Variants in TMEM132A observed in about 807,000 individuals in gnomAD.
TMEM132A encodes GRP78-binding protein.
In TMEM132A, 48 loss-of-function variants were observed where a neutral mutation model predicts 69.9. The ratio of observed to expected loss-of-function variants is 0.69; its 90% confidence interval spans 0.55 to 0.87. TMEM132A has a LOEUF of 0.87. Among genes scored for constraint, TMEM132A ranks in the 40% least tolerant of loss-of-function variants. The probability of loss-of-function intolerance (pLI) is 0.00; values close to 1 mark genes in which losing one functional copy is unlikely to be tolerated. For missense variants in TMEM132A, 1,287 were observed against 1,407.2 expected (o/e 0.91, Z 1.37); for synonymous variants, 577 against 613.7 (o/e 0.94, Z 0.88).
intron 5 of TMEM132A, among the ~76,000 whole-genome samples, chr11:60,931,314 T>A (rs973874803): frequency 6.6e-6 from 1 of 152,048 alleles, no homozygotes; most frequent in Non-Finnish European, 1.5e-5. Flanking sequence ...ATTCAGAGGG[T>A]CAAGTGTCTG....
chr11:60,931,706 A>G lies in TMEM132A; in HGVS notation c.1034A>G (p.Glu345Gly), dbSNP rs202048669. 5 of 1,613,558 alleles carry G rather than the reference A, an allele frequency of 3.1e-6. No individual in the cohort carries two copies. In the East Asian group the frequency reaches 1.1e-4, roughly 36 times the overall value. ...EPDSSPLELS[E>G]FLWVDFVVEN... ...GCCAGCAGTCCCCTTGAACTGTCTG[A>G]GTTCCTATGGGTGGACTTTGTGGTG... The change falls in exon 6 of 11, where the codon GAG becomes GGG. Residue 345 changes from glutamate (E) to glycine (G), a missense_variant. Glu to Gly is a moderately conservative substitution (Grantham distance 98). Transcript: ENST00000453848.
intron 4 of TMEM132A, among the ~76,000 whole-genome samples, chr11:60,929,225 C>T (rs1856423187): frequency 6.6e-6 from 1 of 152,210 alleles, no homozygotes; most frequent in South Asian, 2.1e-4. Flanking sequence ...ATGGGGCTAA[C>T]GGTCCACCTT....
In TMEM132A at chr11:60,935,177, G is replaced by A. The variant is rs1590630318; in HGVS notation, c.1837-75G>A. On this transcript the variant is annotated intron_variant, in intron 9 of 10. Transcript: ENST00000453848. The surrounding 1 kb of genome is among the most constrained non-coding windows in gnomAD (Gnocchi z 5.0). Reference sequence around the variant, plus strand: ...CGGAGGGCAGCCCGTGAGGGTGCTGGGAGCACCCGGTTCCCTCTGGGTGGG... The same window carrying A: ...CGGAGGGCAGCCCGTGAGGGTGCTGAGAGCACCCGGTTCCCTCTGGGTGGG... 28 of 1,405,536 alleles carry A rather than the reference G, an allele frequency of 2.0e-5. No homozygotes were observed. The East Asian group carries it at 7.0e-4, about 35-fold the overall frequency. 87.1% of individuals were successfully genotyped at this position (1,405,536 alleles called of 1,614,324 possible).
chr11:60,934,299 G>A, intron 8 of TMEM132A, 189 bp from the exon 9 acceptor site: 1 of 479,502 alleles, frequency 2.1e-6, no homozygotes, highest in Admixed American at 4.5e-5. Context: ...AGTCGGGAGT[G>A]GGCTGGGGCG....
intron 8 of TMEM132A, 67 bp downstream of exon 8, chr11:60,933,811 G>T (rs904868599): frequency 1.1e-5 from 16 of 1,426,560 alleles, no homozygotes; most frequent in Non-Finnish European, 1.5e-5. Context: ...GGGCGCAGGG[G>T]ACACAGCCAT....
At chr11:60,934,411 G>C in intron 8 of TMEM132A, 77 bp from the exon 9 acceptor site, 1 of 1,254,880 alleles carries the variant, frequency 8.0e-7, no homozygotes, top group Middle Eastern at 3.0e-4. Flanking sequence ...ACGAGCTGCG[G>C]GTCTCCAGCA....
At chr11:60,929,077 T>G in intron 4 of TMEM132A, 117 bp downstream of exon 4, 1 of 991,690 alleles carries the variant, frequency 1.0e-6, no homozygotes, top group Non-Finnish European at 1.5e-6. Flanking sequence ...AAAACATGTG[T>G]CCACCAAACT....
intron 7 of TMEM132A, chr11:60,932,998 C>T (rs1407642701): frequency 6.6e-6 from 1 of 152,322 alleles, no homozygotes; most frequent in Non-Finnish European, 1.5e-5. Flanking sequence ...GGCCAGTTCC[C>T]CTGACTGAGC....
chr11:60,927,073 G>A (rs769046944), intron 1 of TMEM132A, 131 bp from the exon 2 acceptor site: 4 of 771,886 alleles, frequency 5.2e-6, no homozygotes, highest in South Asian at 2.8e-5. Flanking sequence ...AAATGGTGGT[G>A]AGAGGGGAAG....
In TMEM132A at chr11:60,935,750, GTC is replaced by G. The variant is rs2134912732; in HGVS notation, c.2029-110_2029-109del. On this transcript the variant is annotated intron_variant, in intron 10 of 10. Transcript: ENST00000453848. This position sits in a 1 kb window ranked among gnomAD's most constrained non-coding sequence, Gnocchi z 5.0. ...CCCTGTGTTTTGTCTATCTGCCTGT[GTC>G]TCTGTTTTCTCTCTGGTCTCTCCTC... is the stretch of plus-strand genomic sequence containing the variant. 8.0e-7 allele frequency: 1 copy of G among 1,253,004 alleles called. No individual in the cohort carries two copies. Among genetic ancestry groups the G allele is most frequent in the Non-Finnish European group, 1.1e-6 (1 of 895,062 alleles). The allele number at this position is 1,253,004 out of a possible 1,614,324, so 77.6% of individuals were successfully genotyped here.
In TMEM132A at chr11:60,927,512, T is replaced by G. The variant is rs1856372956; in HGVS notation, c.315+94T>G. ...TGGGAGCCTTCCCCAGCCCCGGCTG[T>G]GCTCCCCATATTCCAGAGGGGGAAA... On this transcript the variant is annotated intron_variant, in intron 2 of 10. Coordinates refer to ENST00000453848, the MANE Select transcript of TMEM132A (RefSeq NM_178031.3). 27 of 1,425,450 alleles carry G rather than the reference T, an allele frequency of 1.9e-5. No homozygotes were observed. The South Asian group carries it at 3.5e-4, about 19-fold the overall frequency. 88.3% of individuals were successfully genotyped at this position (1,425,450 alleles called of 1,614,324 possible).
chr11:60,924,683 A>G lies in TMEM132A; in HGVS notation c.50A>G (p.Tyr17Cys), dbSNP rs1350308795. ...GRTTAAPRGP[Y>C]GPWLCLLVAL... ...ACAACAGCGGCCCCTCGGGGGCCCT[A>G]CGGCCCCTGGCTCTGCCTCCTGGTG... The change falls in exon 1 of 11, where the codon TAC becomes TGC. Residue 17 changes from tyrosine to cysteine, a missense_variant. Physicochemically the swap from Tyr to Cys is radical, Grantham distance 194 (BLOSUM62 -2). Coordinates refer to ENST00000453848, the MANE Select transcript of TMEM132A (RefSeq NM_178031.3). 5 of 1,592,268 alleles carry G rather than the reference A, an allele frequency of 3.1e-6. No individual in the cohort carries two copies. The East Asian group carries it at 9.1e-5, about 29-fold the overall frequency.
chr11:60,927,361 C>G lies in TMEM132A; in HGVS notation c.258C>G (p.Pro86=), dbSNP rs1312535342. The part of the protein sequence containing the change: ...SRSETFLLLQ[P]WPRAQPLLRA... Reference sequence around the variant, plus strand: ...CTGAGACCTTTCTGCTCCTACAGCCCTGGCCCAGGGCCCAGCCACTTCTCC... The same window carrying G: ...CTGAGACCTTTCTGCTCCTACAGCCGTGGCCCAGGGCCCAGCCACTTCTCC... Residue 86 remains proline (P), a synonymous_variant, in exon 2 of 11, where the codon CCC becomes CCG. Transcript: ENST00000453848. 1.9e-6 allele frequency: 3 copies of G among 1,613,268 alleles called. No homozygotes were observed. The highest frequency in any genetic ancestry group is 1.7e-6 in the Non-Finnish European group (2 of 1,180,020).
chr11:60,927,194 G>T lies in TMEM132A; in HGVS notation c.101-10G>T. The T allele has an allele frequency of 1.2e-6, 2 of 1,610,386 alleles. No homozygotes were observed. The highest frequency in any genetic ancestry group is 1.7e-6 in the Non-Finnish European group (2 of 1,179,198). ...AGCTGTCATCATCTCTCCCTCTTATGCCTCTTCAGTGGACTGTGGCCAGGC... is the reference window on the plus strand; with the variant it reads ...AGCTGTCATCATCTCTCCCTCTTATTCCTCTTCAGTGGACTGTGGCCAGGC... On this transcript the variant is annotated splice_polypyrimidine_tract_variant and intron_variant, in intron 1 of 10. Coordinates refer to ENST00000453848, the MANE Select transcript of TMEM132A (RefSeq NM_178031.3).
intron 4 of TMEM132A, 130 bp downstream of exon 4, chr11:60,929,090 ACTC>A (rs1190926709): frequency 3.0e-5 from 22 of 731,606 alleles, no homozygotes; most frequent in Non-Finnish European, 4.8e-5. Flanking sequence ...ACCAAACTAA[ACTC>A]CTTCCAGGTA....
intron 9 of TMEM132A, 122 bp downstream of exon 9, chr11:60,934,886 C>G: frequency 9.1e-7 from 1 of 1,101,358 alleles, no homozygotes; most frequent in Non-Finnish European, 1.3e-6. Flanking sequence ...GTTGTGCGGT[C>G]TAGGTCTGAG....
rs765862084 is a variant in TMEM132A, at chr11:60,931,770, C to T, written c.1098C>T (p.Pro366=). Residue 366 remains proline (P), a synonymous_variant, in exon 6 of 11, where the codon CCC becomes CCT. Transcript: ENST00000453848. ...GTGGGGGCGTAGCGGTCACTCGCCC[C>T]GTCACGTGGCAGCTGGAGTACCCAG... is the stretch of plus-strand genomic sequence containing the variant. ...STGGGVAVTR[P]VTWQLEYPGQ... is the part of the protein sequence containing the mutation. 78 of 1,614,068 alleles carry T rather than the reference C, an allele frequency of 4.8e-5. 1 individual carries two copies. The highest frequency in any genetic ancestry group is 9.9e-5 in the South Asian group (9 of 91,080).
chr11:60,931,725 T>G lies in TMEM132A; in HGVS notation c.1053T>G (p.Phe351Leu). The G allele has an allele frequency of 6.2e-7, 1 of 1,614,090 alleles. No individual in the cohort carries two copies. Among genetic ancestry groups the G allele is most frequent in the Non-Finnish European group, 8.5e-7 (1 of 1,179,954 alleles). The change falls in exon 6 of 11, where the codon TTT (phenylalanine) becomes TTG (leucine). Residue 351 changes from phenylalanine to leucine, a missense_variant. Transcript: ENST00000453848. ...TGTCTGAGTTCCTATGGGTGGACTTTGTGGTGGAGAATAGCACTGGTGGGG... is the reference window on the plus strand; with the variant it reads ...TGTCTGAGTTCCTATGGGTGGACTTGGTGGTGGAGAATAGCACTGGTGGGG... ...LELSEFLWVD[F>L]VVENSTGGGV...
chr11:60,926,948 G>T, intron 1 of TMEM132A: 1 of 571,178 alleles, frequency 1.8e-6, no homozygotes, highest in Non-Finnish European at 3.2e-6. Flanking sequence ...GCCAAGGTCT[G>T]TGGAAAGTAG....
Sources: gnomAD v4.1 joint callset for allele counts (sites outside exome capture counted in the v4.1 genomes callset) on GRCh38, gnomAD v4.1.1 for gene constraint, Gnocchi (gnomAD v3.1) non-coding constraint, MANE v1.5 for transcripts, NCBI Gene and HGNC (gene_info 2026-07-23, HGNC 2026-07-21) for gene names.